MAML2: variants seen among roughly 807,000 people sequenced by gnomAD.
MAML2 encodes the protein mastermind like transcriptional coactivator 2, also known as mastermind-like protein 2.
A neutral mutation model predicts 96.1 loss-of-function variants in MAML2; 22 were observed. The observed-to-expected ratio is 0.23, with a 90% CI of 0.16 to 0.33. The LOEUF (loss-of-function observed/expected upper bound fraction) is 0.33, where lower values mean the gene tolerates loss of function less well. MAML2 is among the 10% of genes least tolerant of loss of function. MAML2 has a pLI of 1.00. For missense variants in MAML2, 1,367 were observed against 1,392.4 expected (o/e 0.98, Z 0.29); for synonymous variants, 561 against 521.3 (o/e 1.08, Z -1.04).
At chr11:96,037,675 A>T (rs527666570) in intron 2 of MAML2, among the ~76,000 whole-genome samples, 1 of 152,368 alleles carries the variant, frequency 6.6e-6, no homozygotes, top group East Asian at 1.9e-4. Flanking sequence ...CACACAGGTT[A>T]GAACCAGCAA....
At chr11:96,069,608 T>C (rs982378008) in intron 2 of MAML2, among the ~76,000 whole-genome samples, 3 of 151,962 alleles carry the variant, frequency 2.0e-5, no homozygotes, top group Non-Finnish European at 4.4e-5. Flanking sequence ...GCCCAGGAGG[T>C]TGAGACGGCA....
chr11:96,190,863 G>A (rs1861642667), intron 1 of MAML2, among the ~76,000 whole-genome samples: 1 of 152,154 alleles, frequency 6.6e-6, no homozygotes, highest in East Asian at 1.9e-4. Flanking sequence ...AGACAATGGG[G>A]TACAGGGAGT....
At chr11:96,037,422 T>C (rs2135752866) in intron 2 of MAML2, among the ~76,000 whole-genome samples, 1 of 152,358 alleles carries the variant, frequency 6.6e-6, no homozygotes, top group African/African-American at 2.4e-5. Context: ...AACACCCTTA[T>C]ACACGGTTGT....
intron 1 of MAML2, among the ~76,000 whole-genome samples, chr11:96,199,201 A>G (rs1328429133): frequency 6.8e-6 from 1 of 146,910 alleles, no homozygotes; most frequent in African/African-American, 2.5e-5. Context: ...CGTCTCAAAA[A>G]AAAAAAAAAA....
chr11:96,278,255 A>C (rs938379155), intron 1 of MAML2, among the ~76,000 whole-genome samples: 2 of 152,216 alleles, frequency 1.3e-5, no homozygotes, highest in African/African-American at 4.8e-5. Context: ...GCCACTTTAT[A>C]TAAACCTGAC....
intron 3 of MAML2, among the ~76,000 whole-genome samples, chr11:95,990,962 T>C (rs1241091319): frequency 6.6e-6 from 1 of 151,998 alleles, no homozygotes; most frequent in African/African-American, 2.4e-5. Context: ...GATTACGGTT[T>C]TTGCCATTAA....
intron 1 of MAML2, among the ~76,000 whole-genome samples, chr11:96,182,129 C>T (rs886779878): frequency 6.6e-6 from 1 of 152,172 alleles, no homozygotes; most frequent in African/African-American, 2.4e-5. Context: ...CTCTGCGTGC[C>T]TCCGTTTTAA....
At chr11:96,016,269 A>C (rs1033845146) in intron 2 of MAML2, among the ~76,000 whole-genome samples, 1 of 4,218 alleles carries the variant, frequency 2.4e-4, no homozygotes, top group Non-Finnish European at 5.2e-4. Context: ...ACATGGGGGG[A>C]GGGTGGGTGG....
intron 1 of MAML2, among the ~76,000 whole-genome samples, chr11:96,262,790 C>T (rs1591102709): frequency 6.6e-6 from 1 of 152,212 alleles, no homozygotes; most frequent in South Asian, 2.1e-4. Flanking sequence ...GTTTCATTTA[C>T]TGCCCAAAGA....
intron 3 of MAML2, among the ~76,000 whole-genome samples, chr11:95,988,525 TATA>T (rs1469236046): frequency 2.7e-5 from 4 of 147,708 alleles, no homozygotes; most frequent in African/African-American, 9.8e-5. Context: ...TTTATATATA[TATA>T]ATATTTATAG....
intron 1 of MAML2, among the ~76,000 whole-genome samples, chr11:96,124,630 A>C (rs556882779): frequency 6.6e-6 from 1 of 152,120 alleles, no homozygotes; most frequent in African/African-American, 2.4e-5. Context: ...CCTTCTCCTT[A>C]TCATCATCAT....
In MAML2 at chr11:96,247,479, T is replaced by C. The variant is rs1422924591; in HGVS notation, c.513+93904A>G. 4.1e-4 allele frequency among the ~76,000 whole-genome samples: 62 copies of C among 152,150 alleles called. 1 individual carries two copies. The highest frequency in any genetic ancestry group is 4.1e-3 in the Admixed American group (62 of 15,260). On this transcript the variant is annotated intron_variant, in intron 1 of 4. Coordinates refer to ENST00000524717, the MANE Select transcript of MAML2 (RefSeq NM_032427.4). ...AACTTCCTATGGGAAAAATTTAGCA[T>C]TTTTTACCAGAATGATAGATTGGCA...
chr11:96,032,483 A>T (rs1858632852), intron 2 of MAML2, among the ~76,000 whole-genome samples: 1 of 149,684 alleles, frequency 6.7e-6, no homozygotes, highest in African/African-American at 2.5e-5. Context: ...GCTACTTGGG[A>T]GGCTGAGACA....
chr11:96,154,164 A>C (rs1444591291), intron 1 of MAML2, among the ~76,000 whole-genome samples: 1 of 152,094 alleles, frequency 6.6e-6, no homozygotes, highest in Non-Finnish European at 1.5e-5. Flanking sequence ...TTACCTAGAG[A>C]GCTTGTTAAA....
At chr11:96,013,797 C>G (rs995647787) in intron 2 of MAML2, among the ~76,000 whole-genome samples, 1 of 152,192 alleles carries the variant, frequency 6.6e-6, no homozygotes, top group African/African-American at 2.4e-5. Context: ...CTTCTGGTTC[C>G]TCCATCTGCT....
chr11:96,187,996 G>A lies in MAML2; in HGVS notation c.514-94479C>T, dbSNP rs1028284212. Among the ~76,000 whole-genome samples, 3 of 152,118 alleles carry A rather than the reference G, an allele frequency of 2.0e-5. No homozygotes were observed. The East Asian group carries it at 5.8e-4, about 29-fold the overall frequency. On this transcript the variant is annotated intron_variant, in intron 1 of 4. Transcript: ENST00000524717. The stretch of plus-strand genomic sequence containing the variant: ...CCTTCATGTGGCAGAGGTATCTTTG[G>A]CCTATGGTTAAATGGAGTTGTCCCT...
intron 2 of MAML2, among the ~76,000 whole-genome samples, chr11:96,014,025 G>C (rs368103153): frequency 1.3e-5 from 2 of 152,098 alleles, no homozygotes; most frequent in African/African-American, 4.8e-5. Context: ...TTCAGGAGCC[G>C]TAAACATTCA....
intron 1 of MAML2, among the ~76,000 whole-genome samples, chr11:96,113,981 T>C (rs1860180455): frequency 6.6e-6 from 1 of 151,888 alleles, no homozygotes; most frequent in Non-Finnish European, 1.5e-5. Context: ...GAAGCCCCGC[T>C]CTAGGAAACT....
At chr11:96,102,508 C>T (rs1053104676) in intron 1 of MAML2, among the ~76,000 whole-genome samples, 20 of 152,098 alleles carry the variant, frequency 1.3e-4, no homozygotes, top group Admixed American at 5.2e-4. Context: ...TAATGAAGTA[C>T]CCCTCAAATA....
Sources: gnomAD v4.1 joint callset for allele counts (sites outside exome capture counted in the v4.1 genomes callset) on GRCh38, gnomAD v4.1.1 for gene constraint, MANE v1.5 for transcripts, NCBI Gene and HGNC (gene_info 2026-07-23, HGNC 2026-07-21) for gene names.